KYAT1: variants seen among roughly 807,000 people sequenced by gnomAD.
The protein encoded by KYAT1 is kynurenine--oxoglutarate transaminase 1.
In KYAT1, 47 loss-of-function variants were observed where a neutral mutation model predicts 52.4. The observed-to-expected ratio is 0.90, with a 90% confidence interval of 0.71 to 1.14. The LOEUF is 1.14. Ranked by LOEUF, KYAT1 falls within the 50% of genes most tolerant of loss-of-function variation. The pLI is 0.00. For synonymous variants in KYAT1, 212 were observed against 209.6 expected (o/e 1.01, Z -0.10); for missense variants, 480 against 557.9 (o/e 0.86, Z 1.41).
Position 128,833,512 on chromosome 9 carries a change from G to T in KYAT1, c.*72C>A. ...CCAACCTAGAAATGTCTGAAACCTG[G>T]ACAAAGACAGACACTCAAAGAGGAT... On this transcript the variant is annotated 3_prime_UTR_variant, in exon 13 of 13. Transcript: ENST00000302586. 6.8e-7 allele frequency: 1 copy of T among 1,466,032 alleles called. No homozygotes were observed. Among genetic ancestry groups the T allele is most frequent in the Non-Finnish European group, 9.6e-7 (1 of 1,045,670 alleles). 90.8% of individuals were successfully genotyped at this position (1,466,032 alleles called of 1,614,324 possible).
intron 1 of KYAT1, among the ~76,000 whole-genome samples, chr9:128,880,310 G>C (rs1453984469): frequency 1.3e-5 from 2 of 152,258 alleles, no homozygotes; most frequent in East Asian, 1.9e-4. Flanking sequence ...TGCCTGTTGT[G>C]TGCCAGGCCC....
chr9:128,858,007 G>A (rs1159855425), intron 1 of KYAT1, among the ~76,000 whole-genome samples: 1 of 152,092 alleles, frequency 6.6e-6, no homozygotes, highest in African/African-American at 2.4e-5. Context: ...GAACTTTTGT[G>A]CTTCAAGGAT....
intron 1 of KYAT1, among the ~76,000 whole-genome samples, chr9:128,865,130 G>C (rs1836027310): frequency 6.8e-6 from 1 of 147,346 alleles, no homozygotes; most frequent in African/African-American, 2.6e-5. Context: ...GGAGGCTGAG[G>C]TGGGAGGATC....
At chr9:128,833,885 CG>C in intron 11 of KYAT1, 59 bp from the exon 12 acceptor site, 1 of 1,425,522 alleles carries the variant, frequency 7.0e-7, no homozygotes, top group East Asian at 2.3e-5. Context: ...GCCTTGGCTC[CG>C]GAGGGGACAG....
At chr9:128,875,263 T>C (rs1281249983) in intron 1 of KYAT1, among the ~76,000 whole-genome samples, 1 of 150,710 alleles carries the variant, frequency 6.6e-6, no homozygotes, top group Non-Finnish European at 1.5e-5. Context: ...TTTTTTTTTT[T>C]TGGTTTTTGT....
At chr9:128,854,286 T>C (rs1206184419) in intron 1 of KYAT1, among the ~76,000 whole-genome samples, 1 of 152,188 alleles carries the variant, frequency 6.6e-6, no homozygotes, top group Non-Finnish European at 1.5e-5. Context: ...TACTTTAAAT[T>C]TTTTTAACAT....
chr9:128,837,045 G>A (rs1055614082), intron 6 of KYAT1, 123 bp from the exon 7 acceptor site: 1 of 1,296,980 alleles, frequency 7.7e-7, no homozygotes. Flanking sequence ...TGTAATCCTA[G>A]CACTTTGGGA....
chr9:128,835,362 G>A lies in KYAT1; in HGVS notation c.1083C>T (p.Pro361=). 1 of 1,614,016 alleles carries A rather than the reference G, an allele frequency of 6.2e-7. No homozygotes were observed. The highest frequency in any genetic ancestry group is 1.3e-5 in the African/African-American group (1 of 75,018). The part of the protein sequence containing the change: ...MPDLPGAVDE[P]YDRRFVKWMI... ...TCCACTTGACGAAGCGTCTGTCATA[G>A]GGCTCATCCACAGCTCCAGGCAAGT... is the stretch of plus-strand genomic sequence containing the variant. Residue 361 remains proline, a synonymous_variant, in exon 11 of 13, where the codon CCC becomes CCT. Transcript: ENST00000302586.
At chr9:128,879,918 GGT>G (rs1053550555) in intron 1 of KYAT1, among the ~76,000 whole-genome samples, 3 of 152,172 alleles carry the variant, frequency 2.0e-5, no homozygotes, top group Admixed American at 2.0e-4. Context: ...GCACAGAGTA[GGT>G]CCCCCAGGCA....
chr9:128,863,750 G>T (rs928873093), intron 1 of KYAT1, among the ~76,000 whole-genome samples: 1 of 152,178 alleles, frequency 6.6e-6, no homozygotes, highest in Admixed American at 6.5e-5. Flanking sequence ...GGCCAGCAGG[G>T]GGCGCAAGGA....
At chr9:128,848,021 T>C (rs1356981679) in intron 1 of KYAT1, among the ~76,000 whole-genome samples, 1 of 152,098 alleles carries the variant, frequency 6.6e-6, no homozygotes, top group Non-Finnish European at 1.5e-5. Flanking sequence ...ACCATGGAGA[T>C]GCAATCAACA....
chr9:128,836,121 CG>C (rs1481815214), intron 7 of KYAT1, 48 bp from the exon 8 acceptor site: 2 of 1,578,200 alleles, frequency 1.3e-6, no homozygotes, highest in Non-Finnish European at 1.7e-6. Context: ...GTGAGGGGGA[CG>C]GGGGAGGATG....
chr9:128,836,386 C>T (rs1369472178), intron 7 of KYAT1, among the ~76,000 whole-genome samples: 1 of 151,670 alleles, frequency 6.6e-6, no homozygotes, highest in East Asian at 1.9e-4. Flanking sequence ...GCAACCTCCG[C>T]CTCCCAGGTT....
chr9:128,855,384 GTCCTGTTACTGC>G (rs1375618132), intron 1 of KYAT1, among the ~76,000 whole-genome samples: 1 of 152,196 alleles, frequency 6.6e-6, no homozygotes, highest in Admixed American at 6.5e-5. Flanking sequence ...AAGTTAGTTA[GTCCTGTTACTGC>G]TCCTGAACAT....
chr9:128,846,809 A>G, intron 1 of KYAT1: 2 of 1,535,454 alleles, frequency 1.3e-6, no homozygotes, highest in Non-Finnish European at 1.7e-6. Context: ...CCAGTCCCAG[A>G]TGGCTGGTGG....
At chr9:128,845,270 AC>A in intron 2 of KYAT1, 82 bp downstream of exon 2, 3 of 1,052,564 alleles carry the variant, frequency 2.9e-6, no homozygotes, top group South Asian at 1.3e-5. Flanking sequence ...CATCTGGAGT[AC>A]TACTGAGTTG....
intron 1 of KYAT1, among the ~76,000 whole-genome samples, chr9:128,852,000 C>A (rs914518710): frequency 6.6e-6 from 1 of 152,116 alleles, no homozygotes. Context: ...TATTGCCCAA[C>A]CTACAGTTCA....
At chr9:128,865,455 C>T (rs1444451790) in intron 1 of KYAT1, among the ~76,000 whole-genome samples, 1 of 144,652 alleles carries the variant, frequency 6.9e-6, no homozygotes, top group African/African-American at 2.7e-5. Flanking sequence ...CTCTGCCTCC[C>T]GGGTTCAAGC....
chr9:128,849,883 C>CTTTTTT (rs537211110), intron 1 of KYAT1, among the ~76,000 whole-genome samples: 3 of 91,960 alleles, frequency 3.3e-5, no homozygotes, highest in Non-Finnish European at 3.7e-5. Flanking sequence ...TTATTTTCTT[C>CTTTTTT]TTTTTTTTTT....
Sources: gnomAD v4.1 joint callset for allele counts (sites outside exome capture counted in the v4.1 genomes callset) on GRCh38, gnomAD v4.1.1 for gene constraint, MANE v1.5 for transcripts, NCBI Gene and HGNC (gene_info 2026-07-23, HGNC 2026-07-21) for gene names.